The following LRRC75A variants were observed in gnomAD, a reference collection of about 807,000 sequenced individuals.
LRRC75A encodes leucine rich repeat containing 75A.
LRRC75A carries 12 observed loss-of-function variants against 26.0 expected under a neutral mutation model. That is an observed-to-expected ratio of 0.46 (90% CI 0.30 to 0.75). The LOEUF (loss-of-function observed/expected upper bound fraction) is 0.75. Among genes scored for constraint, LRRC75A ranks in the 30% least tolerant of loss-of-function variants. The pLI, the probability that LRRC75A is intolerant of heterozygous loss-of-function variation, is 0.08. For missense variants in LRRC75A, 410 were observed against 486.6 expected (o/e 0.84, Z 1.48); for synonymous variants, 223 against 219.3 (o/e 1.02, Z -0.15).
intron 1 of LRRC75A, among the ~76,000 whole-genome samples, chr17:16,480,870 A>G (rs2093832399): frequency 6.6e-6 from 1 of 152,206 alleles, no homozygotes; most frequent in Non-Finnish European, 1.5e-5. Context: ...CAAGTTTTTC[A>G]CTGGGACAGA....
chr17:16,483,802 G>A (rs1204978673), intron 1 of LRRC75A, among the ~76,000 whole-genome samples: 4 of 152,296 alleles, frequency 2.6e-5, no homozygotes, highest in Non-Finnish European at 5.9e-5. Flanking sequence ...CATCCCTCCC[G>A]GAGGAAGGGA....
intron 2 of LRRC75A, among the ~76,000 whole-genome samples, chr17:16,450,800 G>C (rs1281465433): frequency 6.6e-6 from 1 of 152,168 alleles, no homozygotes; most frequent in Non-Finnish European, 1.5e-5. Context: ...GGATGACTCA[G>C]GGCCAGGCTA....
intron 1 of LRRC75A, among the ~76,000 whole-genome samples, chr17:16,484,293 G>A (rs996112779): frequency 3.3e-5 from 5 of 152,150 alleles, no homozygotes; most frequent in East Asian, 1.9e-4. Flanking sequence ...CCAAGATGGC[G>A]CCATTGCACT....
intron 2 of LRRC75A, among the ~76,000 whole-genome samples, chr17:16,460,055 C>T (rs1009277974): frequency 6.6e-6 from 1 of 152,072 alleles, no homozygotes; most frequent in African/African-American, 2.4e-5. Flanking sequence ...AGAGGTGGGG[C>T]CTTTGGGAGG....
At chr17:16,465,669 G>A (rs1366832715) in intron 1 of LRRC75A, among the ~76,000 whole-genome samples, 1 of 152,206 alleles carries the variant, frequency 6.6e-6, no homozygotes, top group Non-Finnish European at 1.5e-5. Flanking sequence ...GAAGGACCAA[G>A]AAAATCCCAG....
At chr17:16,446,797 G>GCC (rs1314099848) in intron 3 of LRRC75A, 1 of 220,188 alleles carries the variant, frequency 4.5e-6, no homozygotes, top group Non-Finnish European at 9.6e-6. Flanking sequence ...GGTTCCAAGG[G>GCC]CCCCCCGTCT....
intron 1 of LRRC75A, among the ~76,000 whole-genome samples, chr17:16,468,737 A>C (rs949771516): frequency 7.2e-5 from 11 of 152,230 alleles, no homozygotes; most frequent in African/African-American, 2.4e-4. Flanking sequence ...ACAAATTTTA[A>C]AAGGGGCCAG....
intron 1 of LRRC75A, among the ~76,000 whole-genome samples, chr17:16,475,958 C>A (rs911128763): frequency 6.6e-6 from 1 of 151,726 alleles, no homozygotes; most frequent in South Asian, 2.1e-4. Context: ...TTTGGGAGAC[C>A]GAGGTGGGTG....
Position 16,462,498 on chromosome 17 carries a change from C to G in LRRC75A, c.247-112G>C, listed in dbSNP as rs2093735662. 7.0e-7 allele frequency: 1 copy of G among 1,420,944 alleles called. No homozygotes were observed. The highest frequency in any genetic ancestry group is 9.5e-7 in the Non-Finnish European group (1 of 1,053,686). 88.0% of individuals were successfully genotyped at this position (1,420,944 alleles called of 1,614,324 possible). A position where few individuals can be genotyped will look rare whatever the true frequency, so the allele number is the denominator to read the frequency against. ...TAGAGGCGACTCTGCCTCCCAGAGC[C>G]CCGGTGGGGAGCATCTGCAGAACTT... On this transcript the variant is annotated intron_variant, in intron 1 of 3. Transcript: ENST00000470794. The surrounding 1 kb of genome is among the most constrained non-coding windows in gnomAD (Gnocchi z 4.6).
chr17:16,444,179 T>A (rs2093560137), intron 3 of LRRC75A, 48 bp from the exon 4 acceptor site: 2 of 1,461,362 alleles, frequency 1.4e-6, no homozygotes, highest in East Asian at 4.7e-5. Flanking sequence ...GGGCAGGCCT[T>A]TCCCCCAGAA....
chr17:16,448,305 CTG>C, intron 2 of LRRC75A: 1 of 342,164 alleles, frequency 2.9e-6, no homozygotes, highest in Middle Eastern at 4.0e-4. Flanking sequence ...CAGGGCCGCT[CTG>C]TGCATTCTCT....
rs146069178 is a variant in LRRC75A at position 16,462,758 on chromosome 17, T to C, written c.247-372A>G. 362 of 235,656 alleles carry C rather than the reference T, an allele frequency of 1.5e-3. No homozygotes were observed. Among genetic ancestry groups the C allele is most frequent in the African/African-American group, 7.6e-3 (333 of 43,918 alleles). 14.6% of individuals were successfully genotyped at this position (235,656 alleles called of 1,614,324 possible). A position where few individuals can be genotyped will look rare whatever the true frequency, so the allele number is the denominator to read the frequency against. ...GCAAAATTTGGAATTAACTGCCTTG[T>C]GACAGGATGGTTTAATGATATTTAT... On this transcript the variant is annotated intron_variant, in intron 1 of 3. Transcript: ENST00000470794. This position sits in a 1 kb window ranked among gnomAD's most constrained non-coding sequence, Gnocchi z 4.6.
chr17:16,483,609 T>A (rs1601202725), intron 1 of LRRC75A, among the ~76,000 whole-genome samples: 2 of 151,968 alleles, frequency 1.3e-5, no homozygotes, highest in African/African-American at 4.8e-5. Context: ...AACTCAGGGG[T>A]CATTTCGCCC....
rs543020619 is a variant in LRRC75A, at chr17:16,491,509, C to T, written c.246+236G>A. On this transcript the variant is annotated intron_variant, in intron 1 of 3. Coordinates refer to ENST00000470794, the MANE Select transcript of LRRC75A (RefSeq NM_001113567.3). This position sits in a 1 kb window ranked among gnomAD's most constrained non-coding sequence, Gnocchi z 5.9. ...GAGAGCAGTGGGGACATTATGCCAA[C>T]AGGTCCCCTTCGGCGGGCCTCACCC... 1.3e-5 allele frequency among the ~76,000 whole-genome samples: 2 copies of T among 152,374 alleles called. No homozygotes were observed. Among genetic ancestry groups the T allele is most frequent in the East Asian group, 3.9e-4 (2 of 5,174 alleles).
rs2093736117 is a variant in LRRC75A, at chr17:16,462,551, T to C, written c.247-165A>G. On this transcript the variant is annotated intron_variant, in intron 1 of 3. Coordinates refer to ENST00000470794, the MANE Select transcript of LRRC75A (RefSeq NM_001113567.3). The surrounding 1 kb of genome is among the most constrained non-coding windows in gnomAD (Gnocchi z 4.6). Reference sequence around the variant, plus strand: ...CTCAGGGGCTGGGGCAGGCCTCTCCTGTTTGTCTTTGCCTCCAAGTTGAGG... The same window carrying C: ...CTCAGGGGCTGGGGCAGGCCTCTCCCGTTTGTCTTTGCCTCCAAGTTGAGG... Among the ~76,000 whole-genome samples, 1 of 152,160 alleles carries C rather than the reference T, an allele frequency of 6.6e-6. No individual in the cohort carries two copies. The highest frequency in any genetic ancestry group is 1.9e-4 in the East Asian group (1 of 5,188).
rs940062153 is a variant in LRRC75A at position 16,451,629 on chromosome 17, A to G, written c.376-3669T>C. ...AGAGTGAGACTCCATCTCAAAAAAAAAAATAATAATAATAATAAATAAATA... is the reference window on the plus strand; with the variant it reads ...AGAGTGAGACTCCATCTCAAAAAAAGAAATAATAATAATAATAAATAAATA... On this transcript the variant is annotated intron_variant, in intron 2 of 3. Transcript: ENST00000470794. Among the ~76,000 whole-genome samples the G allele has an allele frequency of 4.0e-4, 46 of 115,924 alleles. No homozygotes were observed. The East Asian group carries it at 9.6e-3, about 24-fold the overall frequency. The allele number at this position is 115,924 out of a possible 152,430, so 76.1% of individuals were successfully genotyped here.
chr17:16,492,151 G>A lies in LRRC75A; in HGVS notation c.-161C>T, dbSNP rs1192273456. 8 of 450,514 alleles carry A rather than the reference G, an allele frequency of 1.8e-5. No homozygotes were observed. The highest frequency in any genetic ancestry group is 5.8e-6 in the Non-Finnish European group (2 of 342,852). 27.9% of individuals were successfully genotyped at this position (450,514 alleles called of 1,614,324 possible). A position where few individuals can be genotyped will look rare whatever the true frequency, so the allele number is the denominator to read the frequency against. ...GGGGGCGGGCGGGCGGGCGGCTGTC[G>A]GCGCTCCCCGCGCTCCTCCCTCTTG... On this transcript the variant is annotated 5_prime_UTR_variant, in exon 1 of 4. Transcript: ENST00000470794.
chr17:16,478,044 C>A (rs1568983963), intron 1 of LRRC75A, among the ~76,000 whole-genome samples: 1 of 151,736 alleles, frequency 6.6e-6, no homozygotes, highest in Non-Finnish European at 1.5e-5. Flanking sequence ...AGCGTCCCTG[C>A]TCTCACCCTG....
chr17:16,448,001 G>T (rs1260323303), intron 2 of LRRC75A, 41 bp from the exon 3 acceptor site: 3 of 1,502,730 alleles, frequency 2.0e-6, no homozygotes, highest in Admixed American at 3.9e-5. Flanking sequence ...TGAGTGGCTG[G>T]GTGCACCAGT....
Sources: allele counts gnomAD v4.1 joint callset (sites outside exome capture counted in the v4.1 genomes callset), GRCh38; gene constraint gnomAD v4.1.1; non-coding constraint Gnocchi (gnomAD v3.1); transcripts MANE v1.5; gene names NCBI Gene and HGNC (gene_info 2026-07-23, HGNC 2026-07-21).